The following SEMA3D variants were observed in gnomAD, a reference collection of about 807,000 sequenced individuals.
SEMA3D encodes semaphorin 3D.
A neutral mutation model predicts 100.1 loss-of-function variants in SEMA3D; 84 were observed. That is an observed-to-expected ratio of 0.84 (90% CI 0.70 to 1.01). The LOEUF (loss-of-function observed/expected upper bound fraction) is 1.01. SEMA3D is among the 50% of genes least tolerant of loss of function. The pLI, the probability that SEMA3D is intolerant of heterozygous loss-of-function variation, is 0.00. For missense variants in SEMA3D, 875 were observed against 934.1 expected (o/e 0.94, Z 0.82); for synonymous variants, 312 against 320.7 (o/e 0.97, Z 0.29).
chr7:85,171,981 GT>G lies in SEMA3D; in HGVS notation c.-173+14696del, dbSNP rs143970673. On this transcript the variant is annotated intron_variant, in intron 1 of 18. Transcript: ENST00000284136. Reference sequence around the variant, plus strand: ...TGTGGGTGTGTGTGTGGGTGTGTGTGTGTATATGTTTATAATATATATAGAG... The same window carrying G: ...TGTGGGTGTGTGTGTGGGTGTGTGTGGTATATGTTTATAATATATATAGAG... Among the ~76,000 whole-genome samples, 1,038 of 151,650 alleles carry G rather than the reference GT, an allele frequency of 6.8e-3. 15 individuals are homozygous for G. The highest frequency in any genetic ancestry group is 0.024 in the African/African-American group (996 of 41,370).
At chr7:85,135,124 T>C (rs1277808836) in intron 2 of SEMA3D, among the ~76,000 whole-genome samples, 7 of 151,916 alleles carry the variant, frequency 4.6e-5, no homozygotes, top group African/African-American at 1.7e-4. Context: ...TGAATTCCAG[T>C]TTTACCATTT....
chr7:85,114,641 A>G (rs1467572287), intron 3 of SEMA3D, among the ~76,000 whole-genome samples: 1 of 152,168 alleles, frequency 6.6e-6, no homozygotes, highest in Non-Finnish European at 1.5e-5. Context: ...AGCCTTTGAC[A>G]TGCAGACAAC....
In SEMA3D at chr7:84,997,868, C is replaced by T. The variant is rs896837506; in HGVS notation, c.*1572G>A. 3 of 152,174 alleles carry T rather than the reference C, an allele frequency of 2.0e-5. No individual in the cohort carries two copies. Among genetic ancestry groups the T allele is most frequent in the Non-Finnish European group, 4.4e-5 (3 of 67,962 alleles). The allele number at this position is 152,174 out of a possible 1,614,324, so 9.4% of individuals were successfully genotyped here. ...GAAGAAGGCTAAGGGTTCTGTGTTA[C>T]AAGAAGGAAAGGTGAGTTCTGCTTA... On this transcript the variant is annotated 3_prime_UTR_variant, in exon 19 of 19. Coordinates refer to ENST00000284136, the MANE Select transcript of SEMA3D (RefSeq NM_001384900.1).
At chr7:85,137,157 T>A (rs1468738087) in intron 2 of SEMA3D, among the ~76,000 whole-genome samples, 1 of 151,922 alleles carries the variant, frequency 6.6e-6, no homozygotes, top group African/African-American at 2.4e-5. Flanking sequence ...TACAGCAGAG[T>A]CAGATATGAG....
At chr7:85,248,608 C>T in the SEMA3D span, among the ~76,000 whole-genome samples, 4 of 151,980 alleles carry the variant, frequency 2.6e-5, no homozygotes, top group Non-Finnish European at 4.4e-5. Flanking sequence ...AGAAATAAAA[C>T]GTGATACATC....
chr7:85,143,490 A>G (rs1208188662), intron 2 of SEMA3D, among the ~76,000 whole-genome samples: 1 of 152,172 alleles, frequency 6.6e-6, no homozygotes. Flanking sequence ...ACTGTACTGA[A>G]CACTATAACC....
the SEMA3D span, among the ~76,000 whole-genome samples, chr7:85,234,930 C>A: frequency 6.6e-6 from 1 of 152,158 alleles, no homozygotes; most frequent in Admixed American, 6.5e-5. Flanking sequence ...CCAGGGCTGG[C>A]TAGCGGCCCT....
intron 8 of SEMA3D, among the ~76,000 whole-genome samples, chr7:85,057,046 T>G (rs1266681817): frequency 6.6e-6 from 1 of 151,748 alleles, no homozygotes; most frequent in Non-Finnish European, 1.5e-5. Flanking sequence ...AATAGAAAAT[T>G]GAGTACATCC....
chr7:85,093,913 T>C (rs578069289), intron 4 of SEMA3D, among the ~76,000 whole-genome samples: 27 of 152,104 alleles, frequency 1.8e-4, no homozygotes, highest in Non-Finnish European at 2.5e-4. Flanking sequence ...AAAATGCTCC[T>C]GTAAACGTGA....
intron 2 of SEMA3D, among the ~76,000 whole-genome samples, chr7:85,131,569 G>C (rs532918884): frequency 6.6e-6 from 1 of 152,068 alleles, no homozygotes; most frequent in East Asian, 1.9e-4. Context: ...GGATTAAAAA[G>C]ATTCAAAGAA....
intron 3 of SEMA3D, among the ~76,000 whole-genome samples, chr7:85,106,164 C>T (rs905023781): frequency 6.6e-6 from 1 of 151,898 alleles, no homozygotes; most frequent in Non-Finnish European, 1.5e-5. Context: ...AATAAACTTC[C>T]TGGAAAAAAG....
chr7:85,095,362 T>C (rs1448103978), intron 4 of SEMA3D, among the ~76,000 whole-genome samples: 3 of 151,858 alleles, frequency 2.0e-5, no homozygotes, highest in Non-Finnish European at 4.4e-5. Flanking sequence ...ATATTGCAAA[T>C]TTTGCTAACT....
intron 2 of SEMA3D, chr7:85,141,433 A>C: frequency 1.0e-6 from 1 of 984,994 alleles, no homozygotes; most frequent in Non-Finnish European, 1.2e-6. Flanking sequence ...CTGTGCTAAT[A>C]TTTAAAAAAA....
intron 9 of SEMA3D, among the ~76,000 whole-genome samples, chr7:85,055,497 T>C (rs1791281823): frequency 1.3e-5 from 2 of 151,494 alleles, no homozygotes; most frequent in African/African-American, 4.8e-5. Flanking sequence ...TTCCTTTTTC[T>C]TTCTTTTCTT....
chr7:85,089,692 C>A (rs1457943480), intron 4 of SEMA3D, among the ~76,000 whole-genome samples: 1 of 152,014 alleles, frequency 6.6e-6, no homozygotes, highest in Non-Finnish European at 1.5e-5. Context: ...TGAGACCAGA[C>A]TGGGCAACAT....
At chr7:85,169,041 T>C (rs1307274483) in intron 1 of SEMA3D, among the ~76,000 whole-genome samples, 1 of 151,612 alleles carries the variant, frequency 6.6e-6, no homozygotes, top group East Asian at 1.9e-4. Flanking sequence ...ATGAGATAAA[T>C]TAGATAAAAA....
At chr7:85,011,940 T>A (rs1026301282) in intron 17 of SEMA3D, among the ~76,000 whole-genome samples, 1 of 151,666 alleles carries the variant, frequency 6.6e-6, no homozygotes, top group Non-Finnish European at 1.5e-5. Flanking sequence ...CACCTGTTCG[T>A]GTGTGTGTGC....
intron 2 of SEMA3D, among the ~76,000 whole-genome samples, chr7:85,149,272 C>A (rs948376922): frequency 1.3e-5 from 2 of 151,552 alleles, no homozygotes; most frequent in East Asian, 3.9e-4. Context: ...TGGCGAAACC[C>A]TGCCTCCCCA....
intron 2 of SEMA3D, chr7:85,141,202 C>A (rs1790041544): frequency 2.0e-6 from 2 of 978,332 alleles, no homozygotes; most frequent in African/African-American, 3.5e-5. Flanking sequence ...ATATAGCACA[C>A]ATATTAACCC....
Sources: gnomAD v4.1 joint callset for allele counts (sites outside exome capture counted in the v4.1 genomes callset) on GRCh38, gnomAD v4.1.1 for gene constraint, MANE v1.5 for transcripts, NCBI Gene and HGNC (gene_info 2026-07-23, HGNC 2026-07-21) for gene names.